The following ARHGEF18 variants were observed in gnomAD, a reference collection of about 807,000 sequenced individuals.
ARHGEF18 encodes the protein Rho/Rac guanine nucleotide exchange factor 18.
Under a neutral mutation model 155.7 loss-of-function variants are expected in ARHGEF18, and 93 were observed. The ratio of observed to expected loss-of-function variants is 0.60; its 90% CI spans 0.50 to 0.71. The LOEUF is 0.71. Ranked by LOEUF, ARHGEF18 falls within the 30% of genes least tolerant of loss-of-function variation. The pLI, the probability that ARHGEF18 is intolerant of heterozygous loss-of-function variation, is 0.00. For missense variants in ARHGEF18, 1,593 were observed against 1,816.1 expected (o/e 0.88, Z 2.23); for synonymous variants, 742 against 753.1 (o/e 0.99, Z 0.24).
Position 7,417,876 on chromosome 19 carries a change from G to T in ARHGEF18, c.968-22468G>T, listed in dbSNP as rs558557311. On this transcript the variant is annotated intron_variant, in intron 10 of 28. Transcript: ENST00000668164. Reference sequence around the variant, plus strand: ...GGAGATAGCCTGGGTGGGGCCAGAGGTCCTGGACTCTCTGTAAGAGACCAG... The same window carrying T: ...GGAGATAGCCTGGGTGGGGCCAGAGTTCCTGGACTCTCTGTAAGAGACCAG... Among the ~76,000 whole-genome samples the T allele has an allele frequency of 2.2e-4, 34 of 152,266 alleles. No homozygotes were observed. The East Asian group carries it at 6.4e-3, about 28-fold the overall frequency.
Position 7,380,943 on chromosome 19 carries a change from C to A in ARHGEF18, c.671C>A (p.Ala224Asp). 2 of 1,232,172 alleles carry A rather than the reference C, an allele frequency of 1.6e-6. No homozygotes were observed. Among genetic ancestry groups the A allele is most frequent in the East Asian group, 3.2e-5 (1 of 31,702 alleles). The allele number at this position is 1,232,172 out of a possible 1,614,324, so 76.3% of individuals were successfully genotyped here. A position where few individuals can be genotyped will look rare whatever the true frequency, so the allele number is the denominator to read the frequency against. Residue 224 changes from alanine to aspartate, a missense_variant, in exon 8 of 29, where the codon GCC becomes GAC. Physicochemically the swap from Ala to Asp is moderately radical, Grantham distance 126. Coordinates refer to ENST00000668164, the MANE Select transcript of ARHGEF18 (RefSeq NM_001367823.1). ...HGARQRACMS[A>D]SPGGAHSNLT... ...GCCCGGCAGAGGGCTTGCATGTCAG[C>A]CAGCCCCGGAGGAGCCCACTCGAAC... is the stretch of plus-strand genomic sequence containing the variant.
At chr19:7,369,307 C>A (rs1178947006) in intron 2 of ARHGEF18, among the ~76,000 whole-genome samples, 1 of 151,556 alleles carries the variant, frequency 6.6e-6, no homozygotes, top group Non-Finnish European at 1.5e-5. Context: ...ACTAAAAATA[C>A]GAAATTAGCT....
intron 10 of ARHGEF18, among the ~76,000 whole-genome samples, chr19:7,385,227 C>G (rs555466623): frequency 3.9e-5 from 6 of 152,172 alleles, no homozygotes; most frequent in Admixed American, 1.3e-4. Context: ...AGCCTGCCCT[C>G]GGATACCCTT....
Position 7,382,798 on chromosome 19 carries a change from G to T in ARHGEF18, c.729G>T (p.Glu243Asp). Residue 243 changes from glutamate to aspartate, a missense_variant, in exon 9 of 29, where the codon GAG becomes GAT. Transcript: ENST00000668164. The part of the protein sequence containing the change: ...LTWFEFLSES[E>D]DGAGKNEKSD... ...CTTCCCTCTCGTCCCTCAGGAGCGA[G>T]GACGGTGCTGGCAAGAACGAGAAGA... is the stretch of plus-strand genomic sequence containing the variant. 1 of 1,232,482 alleles carries T rather than the reference G, an allele frequency of 8.1e-7. No individual in the cohort carries two copies. The allele number at this position is 1,232,482 out of a possible 1,614,324, so 76.3% of individuals were successfully genotyped here.
chr19:7,437,257 C>T (rs907254804), intron 10 of ARHGEF18, among the ~76,000 whole-genome samples: 9 of 151,978 alleles, frequency 5.9e-5, no homozygotes, highest in Non-Finnish European at 7.4e-5. Context: ...GGAGAAACTC[C>T]GTCTCTACTA....
At chr19:7,464,020 A>G (rs1976458075) in intron 22 of ARHGEF18, 65 bp downstream of exon 22, 1 of 1,487,258 alleles carries the variant, frequency 6.7e-7, no homozygotes, top group South Asian at 1.3e-5. Flanking sequence ...ATTAACTTGT[A>G]TGGGGTTTCC....
At position 7,441,915 on chromosome 19, in the gene ARHGEF18, C is replaced by G. The variant is rs766911033; in HGVS notation, c.1223C>G (p.Pro408Arg). The change falls in exon 13 of 29, where the codon CCC becomes CGC. Residue 408 changes from proline to arginine, a missense_variant. By Grantham distance (103) the Pro-to-Arg change is moderately radical. Coordinates refer to ENST00000668164, the MANE Select transcript of ARHGEF18 (RefSeq NM_001367823.1). ...CCACACCTCGCTCTTCCCTCAGATC[C>G]CTACACCGCCTCGCTGAGGAGTGAG... ...PNTESIFVED[P>R]YTASLRSEIE... 3.7e-6 allele frequency: 6 copies of G among 1,613,894 alleles called. No homozygotes were observed. The South Asian group carries it at 5.5e-5, about 15-fold the overall frequency.
Position 7,440,235 on chromosome 19 carries a change from A to G in ARHGEF18, c.968-109A>G. On this transcript the variant is annotated intron_variant, in intron 10 of 28. Transcript: ENST00000668164. This position sits in a 1 kb window ranked among gnomAD's most constrained non-coding sequence, Gnocchi z 5.4. ...CTTGGATAACGAGCTGCTGACCTCC[A>G]AGATCCTGTCTGTGCTGCGGCCGCA... The G allele has an allele frequency of 6.4e-7, 1 of 1,552,140 alleles. No homozygotes were observed. Among genetic ancestry groups the G allele is most frequent in the African/African-American group, 1.4e-5 (1 of 73,150 alleles).
intron 23 of ARHGEF18, among the ~76,000 whole-genome samples, chr19:7,466,462 T>G (rs1172333662): frequency 2.9e-5 from 4 of 136,546 alleles, no homozygotes; most frequent in African/African-American, 2.8e-5. Context: ...GAGGCCGAGG[T>G]GGGAGGATCA....
intron 10 of ARHGEF18, among the ~76,000 whole-genome samples, chr19:7,403,326 A>G (rs1972115012): frequency 6.6e-6 from 1 of 152,032 alleles, no homozygotes; most frequent in African/African-American, 2.4e-5. Flanking sequence ...CCACAAGAAA[A>G]GCTCACACCC....
chr19:7,463,491 C>T lies in ARHGEF18; in HGVS notation c.2636-327C>T, dbSNP rs781285697. On this transcript the variant is annotated intron_variant, in intron 21 of 28. Transcript: ENST00000668164. This position sits in a 1 kb window ranked among gnomAD's most constrained non-coding sequence, Gnocchi z 5.2. The stretch of plus-strand genomic sequence containing the variant: ...CCAAGTGTTTCCTGCTGGCCCTGGG[C>T]AGGGCCACATCCAGCATTCGCCAGC... Among the ~76,000 whole-genome samples, 10 of 152,218 alleles carry T rather than the reference C, an allele frequency of 6.6e-5. No homozygotes were observed. The highest frequency in any genetic ancestry group is 1.5e-4 in the Non-Finnish European group (10 of 68,040).
At chr19:7,466,541 G>T (rs1976621091) in intron 23 of ARHGEF18, among the ~76,000 whole-genome samples, 1 of 150,044 alleles carries the variant, frequency 6.7e-6, no homozygotes, top group South Asian at 2.1e-4. Flanking sequence ...GGTGGCTCAT[G>T]CCTGTAATCC....
At chr19:7,354,551 G>A (rs1969236198) in intron 1 of ARHGEF18, among the ~76,000 whole-genome samples, 1 of 152,050 alleles carries the variant, frequency 6.6e-6, no homozygotes, top group Non-Finnish European at 1.5e-5. Flanking sequence ...ACCACGAGGG[G>A]GCAGCACCTG....
In ARHGEF18 at chr19:7,456,343, G is replaced by C. The variant is rs139103954; in HGVS notation, c.2121G>C (p.Leu707=). The C allele has an allele frequency of 6.0e-5, 97 of 1,614,118 alleles. No homozygotes were observed. Among genetic ancestry groups the C allele is most frequent in the Middle Eastern group, 4.9e-4 (3 of 6,062 alleles). The part of the protein sequence containing the change: ...SGRLKDILAI[L]LTDVLLLLQE... ...TTTTCCCAGATATCCTGGCTATCCT[G>C]CTGACCGACGTACTTTTGCTGCTAC... The change falls in exon 18 of 29, where the codon CTG becomes CTC. Residue 707 remains leucine, a synonymous_variant. Coordinates refer to ENST00000668164, the MANE Select transcript of ARHGEF18 (RefSeq NM_001367823.1).
intron 10 of ARHGEF18, among the ~76,000 whole-genome samples, chr19:7,394,163 C>G (rs1168762011): frequency 1.3e-5 from 2 of 151,846 alleles, no homozygotes; most frequent in African/African-American, 4.8e-5. Flanking sequence ...TCATAGCTCA[C>G]CGCAGCCTGG....
chr19:7,406,378 C>T (rs1972309192), intron 10 of ARHGEF18, among the ~76,000 whole-genome samples: 1 of 152,214 alleles, frequency 6.6e-6, no homozygotes, highest in Non-Finnish European at 1.5e-5. Context: ...AGCCACCACA[C>T]CTGGCCTCCA....
intron 2 of ARHGEF18, among the ~76,000 whole-genome samples, chr19:7,363,346 G>A (rs1297553063): frequency 4.6e-5 from 7 of 151,930 alleles, no homozygotes; most frequent in Admixed American, 2.6e-4. Context: ...TGGATGATGG[G>A]TGAATAAAAA....
the ARHGEF18 span, among the ~76,000 whole-genome samples, chr19:7,479,343 G>A: frequency 6.6e-6 from 1 of 152,204 alleles, no homozygotes; most frequent in Admixed American, 6.5e-5. Context: ...AATTAGCTGG[G>A]GGTGGTGGTG....
intron 1 of ARHGEF18, among the ~76,000 whole-genome samples, chr19:7,359,445 T>G (rs1969453357): frequency 6.7e-6 from 1 of 149,530 alleles, no homozygotes; most frequent in Non-Finnish European, 1.5e-5. Flanking sequence ...GAGCTCAGTC[T>G]ATGATGCCAG....
Sources: allele counts gnomAD v4.1 joint callset (sites outside exome capture counted in the v4.1 genomes callset), GRCh38; gene constraint gnomAD v4.1.1; non-coding constraint Gnocchi (gnomAD v3.1); transcripts MANE v1.5; gene names NCBI Gene and HGNC (gene_info 2026-07-23, HGNC 2026-07-21).